The following PDCD7 variants were observed in gnomAD, a reference collection of about 807,000 sequenced individuals.
The protein encoded by PDCD7 is programmed cell death 7.
Under a neutral mutation model 42.1 loss-of-function variants are expected in PDCD7, and 40 were observed. That is an observed-to-expected ratio of 0.95 (90% CI 0.74 to 1.24). PDCD7 has a LOEUF of 1.24. PDCD7 is among the 50% of genes most tolerant of loss of function. The probability of loss-of-function intolerance (pLI) is 0.00; values close to 1 mark genes in which losing one functional copy is unlikely to be tolerated. For missense variants in PDCD7, 644 were observed against 662.8 expected, an observed-to-expected ratio of 0.97 and a Z score of 0.31; for synonymous variants, 299 against 303.3, an observed-to-expected ratio of 0.99 and a Z score of 0.15.
At chr15:65,121,988 T>C (rs2087458636) in intron 2 of PDCD7, among the ~76,000 whole-genome samples, 1 of 152,188 alleles carries the variant, frequency 6.6e-6, no homozygotes, top group South Asian at 2.1e-4. Context: ...TGATCTATCC[T>C]GTCAGTCCTT....
chr15:65,133,234 C>T lies in PDCD7; in HGVS notation c.548G>A (p.Arg183His). 7.3e-7 allele frequency: 1 copy of T among 1,379,292 alleles called. No individual in the cohort carries two copies. Among genetic ancestry groups the T allele is most frequent in the East Asian group, 3.1e-5 (1 of 32,596 alleles). 85.4% of individuals were successfully genotyped at this position (1,379,292 alleles called of 1,614,324 possible). A position where few individuals can be genotyped will look rare whatever the true frequency, so the allele number is the denominator to read the frequency against. Residue 183 changes from arginine (R) to histidine (H), a missense_variant, in exon 1 of 5, where the codon CGC (arginine) becomes CAC (histidine). Physicochemically the swap from Arg to His is conservative, Grantham distance 29. Transcript: ENST00000204549. ...EVRARLLRAL[R>H]LVRRLRGLSQ... is the part of the protein sequence containing the mutation. The stretch of plus-strand genomic sequence containing the variant: ...CAGGCCGCGCAGCCGCCGCACCAGG[C>T]GCAGAGCCCGGAGCAATCGCGCGCG...
chr15:65,121,488 C>A (rs1326840873), intron 2 of PDCD7, among the ~76,000 whole-genome samples: 2 of 152,224 alleles, frequency 1.3e-5, no homozygotes, highest in African/African-American at 4.8e-5. Flanking sequence ...ATAAACAATT[C>A]TTCCTCTGAC....
At position 65,118,636 on chromosome 15, in the gene PDCD7, T is replaced by G. The variant is rs1406448323; in HGVS notation, c.*81A>C. ...ATGGAATTTAGAAGTTGCAGTTTAG[T>G]CTACAGCAAAAGATGGCACCATCGC... On this transcript the variant is annotated 3_prime_UTR_variant, in exon 5 of 5. Coordinates refer to ENST00000204549, the MANE Select transcript of PDCD7 (RefSeq NM_005707.2). 8 of 1,415,812 alleles carry G rather than the reference T, an allele frequency of 5.7e-6. No individual in the cohort carries two copies. In the African/African-American group the frequency reaches 1.2e-4, roughly 21 times the overall value. 87.7% of individuals were successfully genotyped at this position (1,415,812 alleles called of 1,614,324 possible).
intron 2 of PDCD7, 132 bp from the exon 3 acceptor site, chr15:65,120,086 T>A: frequency 1.1e-6 from 1 of 914,318 alleles, no homozygotes; most frequent in Non-Finnish European, 1.6e-6. Context: ...GCTCAACCCA[T>A]CCTCCCACCT....
chr15:65,124,172 A>G (rs2087477965), intron 2 of PDCD7, among the ~76,000 whole-genome samples: 1 of 152,056 alleles, frequency 6.6e-6, no homozygotes, highest in Non-Finnish European at 1.5e-5. Context: ...CTGTAATCCC[A>G]ACACTTTGGG....
rs1156897208 is a variant in PDCD7 at position 65,117,596 on chromosome 15, T to C, written c.*1121A>G. ...CCCAGGCTGGAGTGCCGTGGCGCGA[T>C]CTCGGCTCACTGCAAGCTCTGCCTC... is the stretch of plus-strand genomic sequence containing the variant. On this transcript the variant is annotated 3_prime_UTR_variant, in exon 5 of 5. Coordinates refer to ENST00000204549, the MANE Select transcript of PDCD7 (RefSeq NM_005707.2). 2.0e-5 allele frequency: 3 copies of C among 151,966 alleles called. No homozygotes were observed. The highest frequency in any genetic ancestry group is 4.4e-5 in the Non-Finnish European group (3 of 67,984). The allele number at this position is 151,966 out of a possible 1,614,324, so 9.4% of individuals were successfully genotyped here. A position where few individuals can be genotyped will look rare whatever the true frequency, so the allele number is the denominator to read the frequency against.
intron 1 of PDCD7, among the ~76,000 whole-genome samples, chr15:65,130,136 G>C (rs1187243724): frequency 3.8e-4 from 56 of 146,178 alleles, no homozygotes; most frequent in African/African-American, 1.3e-3. Context: ...GAGCCACTTC[G>C]CACCCGCCCC....
chr15:65,124,330 C>G (rs984113736), intron 2 of PDCD7, among the ~76,000 whole-genome samples: 1 of 151,564 alleles, frequency 6.6e-6, no homozygotes, highest in Non-Finnish European at 1.5e-5. Context: ...GAGGCTGAGG[C>G]AGGAGAATCG....
At chr15:65,123,976 G>C (rs1420164225) in intron 2 of PDCD7, among the ~76,000 whole-genome samples, 1 of 152,148 alleles carries the variant, frequency 6.6e-6, no homozygotes, top group Non-Finnish European at 1.5e-5. Flanking sequence ...ACTAAAATCT[G>C]TCTATGGCGA....
At chr15:65,123,440 C>T (rs550341569) in intron 2 of PDCD7, among the ~76,000 whole-genome samples, 1 of 152,228 alleles carries the variant, frequency 6.6e-6, no homozygotes, top group Non-Finnish European at 1.5e-5. Flanking sequence ...CCCACCTCGG[C>T]CTCCCAAAGT....
chr15:65,130,141 C>T lies in PDCD7; in HGVS notation c.871-971G>A, dbSNP rs574640503. The stretch of plus-strand genomic sequence containing the variant: ...TTACAGGAGTGAGCCACTTCGCACC[C>T]GCCCCCAACCCTCTTTTTTTTTTTT... On this transcript the variant is annotated intron_variant, in intron 1 of 4. Transcript: ENST00000204549. Among the ~76,000 whole-genome samples the T allele has an allele frequency of 1.3e-3, 192 of 149,354 alleles. 1 individual carries two copies. Among genetic ancestry groups the T allele is most frequent in the African/African-American group, 4.4e-3 (178 of 40,784 alleles).
Position 65,133,105 on chromosome 15 carries a change from A to T in PDCD7, c.677T>A (p.Leu226Ter). ...CTCGCCCACATAGGCAGCCTGGGTC[A>T]ACGGCTGTAGCCGCTCGGCCAGTTC... ...RAELAERLQP[L>*]TQAAYVGEAR... The change falls in exon 1 of 5, where the codon TTG becomes TAG. Residue 226 changes from leucine to a stop codon, truncating the protein, a stop_gained. Transcript: ENST00000204549. LOFTEE classifies it high-confidence loss of function. 1.3e-6 allele frequency: 2 copies of T among 1,555,154 alleles called. No individual in the cohort carries two copies. Among genetic ancestry groups the T allele is most frequent in the Non-Finnish European group, 8.6e-7 (1 of 1,157,498 alleles).
intron 2 of PDCD7, 120 bp from the exon 3 acceptor site, chr15:65,120,074 G>C (rs1391509004): frequency 1.8e-5 from 19 of 1,047,246 alleles, no homozygotes; most frequent in Non-Finnish European, 2.5e-5. Context: ...TCAAACTCCT[G>C]GGCTCAACCC....
chr15:65,124,193 G>A (rs919531742), intron 2 of PDCD7, among the ~76,000 whole-genome samples: 2 of 152,124 alleles, frequency 1.3e-5, no homozygotes, highest in Admixed American at 6.5e-5. Flanking sequence ...AGGCTGAGGC[G>A]GGTAGATTAC....
chr15:65,133,113 T>C lies in PDCD7; in HGVS notation c.669A>G (p.Leu223=), dbSNP rs1431229860. ...CATAGGCAGCCTGGGTCAACGGCTGTAGCCGCTCGGCCAGTTCCGCGCGCA... is the reference window on the plus strand; with the variant it reads ...CATAGGCAGCCTGGGTCAACGGCTGCAGCCGCTCGGCCAGTTCCGCGCGCA... ...APLRAELAER[L]QPLTQAAYVG... The change falls in exon 1 of 5, where the codon CTA becomes CTG. Residue 223 remains leucine (L), a synonymous_variant. Coordinates refer to ENST00000204549, the MANE Select transcript of PDCD7 (RefSeq NM_005707.2). 4 of 1,548,612 alleles carry C rather than the reference T, an allele frequency of 2.6e-6. No individual in the cohort carries two copies. The highest frequency in any genetic ancestry group is 2.3e-5 in the South Asian group (2 of 85,458).
chr15:65,132,611 T>C (rs946437983), intron 1 of PDCD7, among the ~76,000 whole-genome samples: 2 of 152,186 alleles, frequency 1.3e-5, no homozygotes, highest in Admixed American at 6.5e-5. Flanking sequence ...AGACACTTAC[T>C]GGTTTTGAGA....
At chr15:65,127,352 G>C (rs1704062091) in intron 2 of PDCD7, among the ~76,000 whole-genome samples, 1 of 151,852 alleles carries the variant, frequency 6.6e-6, no homozygotes, top group Admixed American at 6.6e-5. Context: ...AGCTACTCGG[G>C]AGGCTGAGGC....
chr15:65,121,732 G>A (rs1157662170), intron 2 of PDCD7, among the ~76,000 whole-genome samples: 2 of 152,186 alleles, frequency 1.3e-5, no homozygotes, highest in African/African-American at 4.8e-5. Context: ...GGAGAAAATA[G>A]TCAGGTTATT....
At chr15:65,125,538 G>T (rs1392618507) in intron 2 of PDCD7, among the ~76,000 whole-genome samples, 1 of 152,100 alleles carries the variant, frequency 6.6e-6, no homozygotes, top group Non-Finnish European at 1.5e-5. Flanking sequence ...AATGCCCCTA[G>T]CATAGGTCAC....
Sources: allele counts gnomAD v4.1 joint callset (sites outside exome capture counted in the v4.1 genomes callset), GRCh38; gene constraint gnomAD v4.1.1; transcripts MANE v1.5; gene names NCBI Gene and HGNC (gene_info 2026-07-23, HGNC 2026-07-21).